UNC5A: variants seen among roughly 807,000 people sequenced by gnomAD.
UNC5A encodes the protein netrin receptor UNC5A.
UNC5A carries 20 observed loss-of-function variants against 87.4 expected under a neutral mutation model. The ratio of observed to expected loss-of-function variants is 0.23; its 90% CI spans 0.16 to 0.33. UNC5A has a LOEUF of 0.33. UNC5A is among the 10% of genes least tolerant of loss of function. The probability of loss-of-function intolerance (pLI) is 1.00; values close to 1 mark genes in which losing one functional copy is unlikely to be tolerated. For missense variants in UNC5A, 844 were observed against 1,133.4 expected (o/e 0.74, Z 3.67); for synonymous variants, 438 against 482.3 (o/e 0.91, Z 1.20).
chr5:176,832,180 C>T (rs555374926), intron 1 of UNC5A, among the ~76,000 whole-genome samples: 2 of 152,244 alleles, frequency 1.3e-5, no homozygotes, highest in East Asian at 3.9e-4. Context: ...TGCAGGCGTG[C>T]GCCACCATGC....
intron 2 of UNC5A, among the ~76,000 whole-genome samples, chr5:176,863,678 CAG>C (rs1395341479): frequency 1.3e-5 from 2 of 150,728 alleles, no homozygotes; most frequent in Admixed American, 1.3e-4. Context: ...AAAGGACTGG[CAG>C]AGAGAGAGGC....
rs923539040 is a variant in UNC5A, at chr5:176,868,875, C to G, written c.632C>G (p.Ala211Gly). Reference protein sequence around the residue: ...TREHSLVVRQARLADTANYTC... With the variant: ...TREHSLVVRQGRLADTANYTC... ...GAGCACAGCCTGGTGGTGCGACAGG[C>G]CCGCCTTGCTGACACGGCCAACTAC... The change falls in exon 5 of 15, where the codon GCC (alanine) becomes GGC (glycine). Residue 211 changes from alanine to glycine, a missense_variant. Around this residue, in one of 3 missense-constraint regions of UNC5A, gnomAD observed 314 missense variants for 466.5 expected, o/e 0.67. Coordinates refer to ENST00000329542, the MANE Select transcript of UNC5A (RefSeq NM_133369.3). 1 of 1,612,870 alleles carries G rather than the reference C, an allele frequency of 6.2e-7. No individual in the cohort carries two copies. Among genetic ancestry groups the G allele is most frequent in the Non-Finnish European group, 8.5e-7 (1 of 1,179,862 alleles).
chr5:176,837,886 G>GGCTTCCTAACCTCCGGACTCT (rs1274093412), intron 1 of UNC5A, among the ~76,000 whole-genome samples: 2 of 152,060 alleles, frequency 1.3e-5, no homozygotes, highest in Non-Finnish European at 2.9e-5. Flanking sequence ...CTGCGGACTC[G>GGCTTCCTAACCTCCGGACTCT]GCTTCCTAAC....
At chr5:176,857,500 GCA>G (rs144381794) in intron 1 of UNC5A, among the ~76,000 whole-genome samples, 52 of 151,278 alleles carry the variant, frequency 3.4e-4, no homozygotes, top group African/African-American at 1.1e-3. Flanking sequence ...CTACACACAC[GCA>G]CACACACACA....
intron 14 of UNC5A, 25 bp from the exon 15 acceptor site, chr5:176,879,696 C>A: frequency 6.2e-7 from 1 of 1,608,970 alleles, no homozygotes; most frequent in Non-Finnish European, 8.5e-7. Context: ...GGCCAGGCTG[C>A]TGACGGCCCC....
chr5:176,840,137 G>A (rs1032735361), intron 1 of UNC5A, among the ~76,000 whole-genome samples: 23 of 152,326 alleles, frequency 1.5e-4, no homozygotes, highest in South Asian at 2.1e-4. Context: ...GATTACAGGC[G>A]TGAGCCACCG....
intron 6 of UNC5A, among the ~76,000 whole-genome samples, chr5:176,870,956 C>T (rs1197024097): frequency 7.7e-6 from 1 of 130,704 alleles, no homozygotes; most frequent in African/African-American, 3.0e-5. Flanking sequence ...CCACACTCGC[C>T]CAACACCACA....
chr5:176,845,510 C>T (rs1042856868), intron 1 of UNC5A, among the ~76,000 whole-genome samples: 4 of 152,278 alleles, frequency 2.6e-5, no homozygotes, highest in African/African-American at 9.6e-5. Flanking sequence ...CTGGCTTCCC[C>T]TGCTGGACGA....
At chr5:176,854,419 C>A (rs768034662) in intron 1 of UNC5A, among the ~76,000 whole-genome samples, 2 of 152,190 alleles carry the variant, frequency 1.3e-5, no homozygotes, top group African/African-American at 4.8e-5. Flanking sequence ...CATCTCAGGC[C>A]GCAGGGATGC....
chr5:176,843,302 G>T (rs1173332749), intron 1 of UNC5A, among the ~76,000 whole-genome samples: 1 of 152,266 alleles, frequency 6.6e-6, no homozygotes, highest in South Asian at 2.1e-4. Flanking sequence ...GGACGCTGCC[G>T]TGGGTTCAGG....
In UNC5A at chr5:176,869,496, C is replaced by T. The variant is rs1758057912; in HGVS notation, c.721+532C>T. 2 of 589,164 alleles carry T rather than the reference C, an allele frequency of 3.4e-6. No homozygotes were observed. The highest frequency in any genetic ancestry group is 3.1e-6 in the Non-Finnish European group (1 of 326,674). 36.5% of individuals were successfully genotyped at this position (589,164 alleles called of 1,614,324 possible). A position where few individuals can be genotyped will look rare whatever the true frequency, so the allele number is the denominator to read the frequency against. On this transcript the variant is annotated intron_variant, in intron 5 of 14. Transcript: ENST00000329542. The surrounding 1 kb of genome is among the most constrained non-coding windows in gnomAD (Gnocchi z 9.1). ...CTCCCCCAGGCCTTCTCTCCCAGCT[C>T]AGCCACAGCCCACCCGTGTCCAGCT...
intron 5 of UNC5A, among the ~76,000 whole-genome samples, chr5:176,870,082 C>T (rs751679574): frequency 3.3e-5 from 5 of 152,174 alleles, no homozygotes; most frequent in Non-Finnish European, 5.9e-5. Context: ...GAAGGGTCAA[C>T]GTGTGACGAG....
At chr5:176,843,348 A>G (rs1448884221) in intron 1 of UNC5A, among the ~76,000 whole-genome samples, 4 of 152,154 alleles carry the variant, frequency 2.6e-5, no homozygotes, top group Non-Finnish European at 5.9e-5. Flanking sequence ...GTGTACCGCT[A>G]AAGAAGCCAG....
rs746125901 is a variant in UNC5A, at chr5:176,869,619, G to A, written c.721+655G>A. On this transcript the variant is annotated intron_variant, in intron 5 of 14. Coordinates refer to ENST00000329542, the MANE Select transcript of UNC5A (RefSeq NM_133369.3). This position sits in a 1 kb window ranked among gnomAD's most constrained non-coding sequence, Gnocchi z 9.1. Reference sequence around the variant, plus strand: ...GTCCTTCTCTGTCCGGCCAGTGAACGGTGGGTGGTCGACGTGGACCGAGTG... The same window carrying A: ...GTCCTTCTCTGTCCGGCCAGTGAACAGTGGGTGGTCGACGTGGACCGAGTG... The A allele has an allele frequency of 1.6e-5, 11 of 699,662 alleles. No homozygotes were observed. Among genetic ancestry groups the A allele is most frequent in the Admixed American group, 4.0e-5 (2 of 49,812 alleles). 43.3% of individuals were successfully genotyped at this position (699,662 alleles called of 1,614,324 possible).
rs150098498 is a variant in UNC5A at position 176,852,374 on chromosome 5, G to GCACA, written c.71-10236_71-10233dup. Among the ~76,000 whole-genome samples the GCACA allele has an allele frequency of 4.4e-4, 67 of 150,598 alleles. 2 individuals carry two copies. Among genetic ancestry groups the GCACA allele is most frequent in the African/African-American group, 1.6e-3 (64 of 41,076 alleles). ...ACACATACACACCCCACACACAGAA[G>GCACA]CACACACACACACACACTACAGCTA... On this transcript the variant is annotated intron_variant, in intron 1 of 14. Transcript: ENST00000329542.
At position 176,880,161 on chromosome 5, in the gene UNC5A, T is replaced by C; in HGVS notation, c.*275T>C. On this transcript the variant is annotated 3_prime_UTR_variant, in exon 15 of 15. Transcript: ENST00000329542. ...CTGGGCCAGGCCCAGCCCATCTGTG[T>C]GTGTGTATGTGCGTGTGATGCTACC... 1 of 434,284 alleles carries C rather than the reference T, an allele frequency of 2.3e-6. No individual in the cohort carries two copies. The highest frequency in any genetic ancestry group is 4.2e-5 in the East Asian group (1 of 23,852). The allele number at this position is 434,284 out of a possible 1,614,324, so 26.9% of individuals were successfully genotyped here. A position where few individuals can be genotyped will look rare whatever the true frequency, so the allele number is the denominator to read the frequency against.
At position 176,866,471 on chromosome 5, in the gene UNC5A, G is replaced by A. The variant is rs1757978386; in HGVS notation, c.293-1659G>A. Among the ~76,000 whole-genome samples, 1 of 152,184 alleles carries A rather than the reference G, an allele frequency of 6.6e-6. No individual in the cohort carries two copies. Among genetic ancestry groups the A allele is most frequent in the South Asian group, 2.1e-4 (1 of 4,820 alleles). ...AAAGGGAGCGCTTAAAGGTAGTGCT[G>A]TTCTCCCAAGCTGAGCCGCCTGGGC... On this transcript the variant is annotated intron_variant, in intron 2 of 14. Coordinates refer to ENST00000329542, the MANE Select transcript of UNC5A (RefSeq NM_133369.3). This position sits in a 1 kb window ranked among gnomAD's most constrained non-coding sequence, Gnocchi z 5.0.
In UNC5A at chr5:176,868,689, T is replaced by A. The variant is rs1186629282; in HGVS notation, c.540+25T>A. The stretch of plus-strand genomic sequence containing the variant: ...GGTGAGGGCTCCTCTAGTGCCCACG[T>A]CTGGACCTGGGCTCCTGCCTGGTCA... On this transcript the variant is annotated intron_variant, in intron 4 of 14. Coordinates refer to ENST00000329542, the MANE Select transcript of UNC5A (RefSeq NM_133369.3). The A allele has an allele frequency of 6.9e-6, 11 of 1,596,482 alleles. No homozygotes were observed. In the African/African-American group the frequency reaches 1.2e-4, roughly 18 times the overall value.
At position 176,865,540 on chromosome 5, in the gene UNC5A, C is replaced by T. The variant is rs760505456; in HGVS notation, c.293-2590C>T. On this transcript the variant is annotated intron_variant, in intron 2 of 14. Transcript: ENST00000329542. The surrounding 1 kb of genome is among the most constrained non-coding windows in gnomAD (Gnocchi z 5.3). ...CCTCTTCTGCCCCGAGCATCCGACT[C>T]CAGCCTCCCATGGCCGGAACATCTG... is the stretch of plus-strand genomic sequence containing the variant. 2.2e-6 allele frequency: 1 copy of T among 455,158 alleles called. No individual in the cohort carries two copies. Among genetic ancestry groups the T allele is most frequent in the East Asian group, 7.0e-5 (1 of 14,364 alleles). The allele number at this position is 455,158 out of a possible 1,614,324, so 28.2% of individuals were successfully genotyped here.
Sources: allele counts gnomAD v4.1 joint callset (sites outside exome capture counted in the v4.1 genomes callset), GRCh38; gene constraint gnomAD v4.1.1; regional missense constraint gnomAD v4.1.1; non-coding constraint Gnocchi (gnomAD v3.1); transcripts MANE v1.5; gene names NCBI Gene and HGNC (gene_info 2026-07-23, HGNC 2026-07-21).